Variants in FEM1C observed in about 807,000 individuals in gnomAD.
The protein encoded by FEM1C is protein fem-1 homolog C.
FEM1C carries 15 observed loss-of-function variants against 37.6 expected under a neutral mutation model. The observed-to-expected ratio is 0.40, with a 90% CI of 0.27 to 0.61. The LOEUF (loss-of-function observed/expected upper bound fraction) is 0.61. Among genes scored for constraint, FEM1C ranks in the 20% least tolerant of loss-of-function variants. FEM1C has a pLI of 0.42. For synonymous variants in FEM1C, 287 were observed against 272.8 expected (o/e 1.05, Z -0.51); for missense variants, 532 against 749.7 (o/e 0.71, Z 3.39).
chr5:115,538,476 A>C (rs1348249630), intron 2 of FEM1C, among the ~76,000 whole-genome samples: 2 of 152,072 alleles, frequency 1.3e-5, no homozygotes, highest in Non-Finnish European at 2.9e-5. Context: ...TCCACTCAAC[A>C]AGCTCATTTA....
At chr5:115,526,103 C>T (rs983696144) in intron 2 of FEM1C, among the ~76,000 whole-genome samples, 1 of 152,040 alleles carries the variant, frequency 6.6e-6, no homozygotes, top group African/African-American at 2.4e-5. Context: ...TCAAGCAATG[C>T]TCCTGCCTTA....
intron 2 of FEM1C, among the ~76,000 whole-genome samples, chr5:115,533,988 T>C (rs1430354072): frequency 6.6e-6 from 1 of 152,006 alleles, no homozygotes; most frequent in Admixed American, 6.6e-5. Context: ...GTTTGTTAAA[T>C]GGGCATTTCT....
Position 115,521,940 on chromosome 5 carries a change from A to G in FEM1C, c.*2368T>C, listed in dbSNP as rs1753784586. The G allele has an allele frequency of 6.6e-6, 1 of 151,888 alleles. No individual in the cohort carries two copies. Among genetic ancestry groups the G allele is most frequent in the Non-Finnish European group, 1.5e-5 (1 of 67,822 alleles). The allele number at this position is 151,888 out of a possible 1,614,324, so 9.4% of individuals were successfully genotyped here. A position where few individuals can be genotyped will look rare whatever the true frequency, so the allele number is the denominator to read the frequency against. On this transcript the variant is annotated 3_prime_UTR_variant, in exon 3 of 3. Coordinates refer to ENST00000274457, the MANE Select transcript of FEM1C (RefSeq NM_020177.3). ...CATTTGTGGAGATGGCAGAGAAGGG[A>G]GAAATGTATTCTAAGTGAAATAAGT...
Position 115,524,707 on chromosome 5 carries a change from A to G in FEM1C, c.1455T>C (p.Pro485=), listed in dbSNP as rs1472442801. Residue 485 remains proline (P), a synonymous_variant, in exon 3 of 3, where the codon CCT becomes CCC. Transcript: ENST00000274457. ...LHPRGKNNFS[P]LHLAVDKNTT... is the part of the protein sequence containing the mutation. ...TATTCTTGTCCACAGCCAGATGAAG[A>G]GGGCTGAAGTTATTCTTTCCCCTTG... is the stretch of plus-strand genomic sequence containing the variant. 1 of 1,540,330 alleles carries G rather than the reference A, an allele frequency of 6.5e-7. No homozygotes were observed. Among genetic ancestry groups the G allele is most frequent in the East Asian group, 2.2e-5 (1 of 44,462 alleles).
At chr5:115,530,165 T>C (rs1193213604) in intron 2 of FEM1C, among the ~76,000 whole-genome samples, 1 of 151,922 alleles carries the variant, frequency 6.6e-6, no homozygotes, top group African/African-American at 2.4e-5. Flanking sequence ...ACCTTAAATA[T>C]ATGGGTAGAA....
chr5:115,526,903 G>C (rs1753906629), intron 2 of FEM1C, among the ~76,000 whole-genome samples: 1 of 151,988 alleles, frequency 6.6e-6, no homozygotes, highest in South Asian at 2.1e-4. Context: ...TTTCCTTCTG[G>C]GAGTCTAGAA....
chr5:115,524,216 TA>T lies in FEM1C; in HGVS notation c.*91del. On this transcript the variant is annotated 3_prime_UTR_variant, in exon 3 of 3. Transcript: ENST00000274457. ...GAGAGCACAATGATATCAATCAAGC[TA>T]AATGAATGCTGGTGTTATCACAACA... 9.9e-7 allele frequency: 1 copy of T among 1,011,348 alleles called. No homozygotes were observed. Among genetic ancestry groups the T allele is most frequent in the Non-Finnish European group, 1.5e-6 (1 of 669,202 alleles). The allele number at this position is 1,011,348 out of a possible 1,614,324, so 62.6% of individuals were successfully genotyped here.
At chr5:115,534,741 CA>C (rs1432007700) in intron 2 of FEM1C, among the ~76,000 whole-genome samples, 1 of 151,878 alleles carries the variant, frequency 6.6e-6, no homozygotes. Context: ...GTGTGTTTAG[CA>C]TAAGTCAAAT....
At chr5:115,544,407 G>A (rs1754312464) in intron 1 of FEM1C, 116 bp downstream of exon 1, 1 of 155,466 alleles carries the variant, frequency 6.4e-6, no homozygotes. Flanking sequence ...CCAAGCTGTG[G>A]CCTCCAGCCC....
intron 2 of FEM1C, among the ~76,000 whole-genome samples, chr5:115,530,500 T>A (rs1175097442): frequency 6.6e-6 from 1 of 152,104 alleles, no homozygotes; most frequent in Non-Finnish European, 1.5e-5. Context: ...GGATGAAGAT[T>A]TGAACATTAC....
rs760835940 is a variant in FEM1C, at chr5:115,524,293, AATAC to A, written c.*11_*14del. The A allele has an allele frequency of 4.0e-5, 64 of 1,609,134 alleles. No individual in the cohort carries two copies. The highest frequency in any genetic ancestry group is 5.0e-5 in the Admixed American group (3 of 59,776). ...CCAATTCGTGCTTTAACAGTGCTAAAATACAGTCAAGTTATCATCTATGAAGGGA... is the reference window on the plus strand; with the variant it reads ...CCAATTCGTGCTTTAACAGTGCTAAAAGTCAAGTTATCATCTATGAAGGGA... On this transcript the variant is annotated 3_prime_UTR_variant, in exon 3 of 3. Transcript: ENST00000274457.
intron 2 of FEM1C, among the ~76,000 whole-genome samples, chr5:115,526,028 CT>C (rs1007033943): frequency 4.3e-4 from 63 of 146,828 alleles, no homozygotes; most frequent in Non-Finnish European, 6.0e-4. Context: ...AGGAATTGGT[CT>C]TTTTTTTTTT....
At chr5:115,533,289 T>C (rs1358658084) in intron 2 of FEM1C, among the ~76,000 whole-genome samples, 1 of 152,098 alleles carries the variant, frequency 6.6e-6, no homozygotes, top group Non-Finnish European at 1.5e-5. Context: ...ATGTCTATGT[T>C]TCAGTTTCTG....
At chr5:115,534,416 G>T (rs1754078875) in intron 2 of FEM1C, among the ~76,000 whole-genome samples, 1 of 151,878 alleles carries the variant, frequency 6.6e-6, no homozygotes, top group Non-Finnish European at 1.5e-5. Context: ...GTATTTTGAG[G>T]AAGAACTAGT....
Position 115,524,219 on chromosome 5 carries a change from A to T in FEM1C, c.*89T>A. 9.6e-7 allele frequency: 1 copy of T among 1,039,620 alleles called. No homozygotes were observed. The highest frequency in any genetic ancestry group is 1.4e-6 in the Non-Finnish European group (1 of 692,858). The allele number at this position is 1,039,620 out of a possible 1,614,324, so 64.4% of individuals were successfully genotyped here. A position where few individuals can be genotyped will look rare whatever the true frequency, so the allele number is the denominator to read the frequency against. ...AGCACAATGATATCAATCAAGCTAA[A>T]TGAATGCTGGTGTTATCACAACAGT... On this transcript the variant is annotated 3_prime_UTR_variant, in exon 3 of 3. Coordinates refer to ENST00000274457, the MANE Select transcript of FEM1C (RefSeq NM_020177.3).
At chr5:115,531,251 A>G (rs2127171304) in intron 2 of FEM1C, among the ~76,000 whole-genome samples, 1 of 152,256 alleles carries the variant, frequency 6.6e-6, no homozygotes, top group South Asian at 2.1e-4. Flanking sequence ...TAGAACTTCA[A>G]CCAATCACAT....
At position 115,520,929 on chromosome 5, in the gene FEM1C, T is replaced by G. The variant is rs1248993043; in HGVS notation, c.*3379A>C. 2 of 152,128 alleles carry G rather than the reference T, an allele frequency of 1.3e-5. No homozygotes were observed. The highest frequency in any genetic ancestry group is 3.0e-5 in the Non-Finnish European group (2 of 67,728). The allele number at this position is 152,128 out of a possible 1,614,324, so 9.4% of individuals were successfully genotyped here. On this transcript the variant is annotated 3_prime_UTR_variant, in exon 3 of 3. Transcript: ENST00000274457. ...TAAATTTGGTGCAAATTTAATTTTA[T>G]TAAACCTTACAATGAATGTTGTGGC... is the stretch of plus-strand genomic sequence containing the variant.
chr5:115,544,128 C>T, intron 1 of FEM1C: 2 of 985,412 alleles, frequency 2.0e-6, no homozygotes, highest in Non-Finnish European at 1.2e-6. Flanking sequence ...ACAAAAAGGT[C>T]GGACACACCA....
rs1448960159 is a variant in FEM1C at position 115,524,033 on chromosome 5, C to A, written c.*275G>T. 3.0e-6 allele frequency: 1 copy of A among 330,052 alleles called. No homozygotes were observed. The highest frequency in any genetic ancestry group is 5.5e-6 in the Non-Finnish European group (1 of 182,100). The allele number at this position is 330,052 out of a possible 1,614,324, so 20.4% of individuals were successfully genotyped here. The stretch of plus-strand genomic sequence containing the variant: ...TAACTCTGCCCCAAACACCCAACAG[C>A]AAACAAAACCAGAATGAATAAGCCT... On this transcript the variant is annotated 3_prime_UTR_variant, in exon 3 of 3. Transcript: ENST00000274457.
Sources: allele counts gnomAD v4.1 joint callset (sites outside exome capture counted in the v4.1 genomes callset), GRCh38; gene constraint gnomAD v4.1.1; transcripts MANE v1.5; gene names NCBI Gene and HGNC (gene_info 2026-07-23, HGNC 2026-07-21).